CEP112: variants seen among roughly 807,000 people sequenced by gnomAD.
CEP112 encodes centrosomal protein 112, also known as centrosomal protein of 112 kDa.
A neutral mutation model predicts 153.0 loss-of-function variants in CEP112; 127 were observed. The ratio of observed to expected loss-of-function variants is 0.83; its 90% CI spans 0.72 to 0.96. The LOEUF (loss-of-function observed/expected upper bound fraction) is 0.96, where lower values mean the gene tolerates loss of function less well. Ranked by LOEUF, CEP112 falls within the 40% of genes least tolerant of loss-of-function variation. The pLI, the probability that CEP112 is intolerant of heterozygous loss-of-function variation, is 0.00. For synonymous variants in CEP112, 358 were observed against 374.4 expected (o/e 0.96, Z 0.51); for missense variants, 1,089 against 1,101.2 (o/e 0.99, Z 0.16).
At chr17:65,815,655 A>C (rs1021046918) in intron 21 of CEP112, among the ~76,000 whole-genome samples, 6 of 152,040 alleles carry the variant, frequency 3.9e-5, no homozygotes, top group African/African-American at 1.4e-4. Flanking sequence ...CCTTCCATTT[A>C]ATTACATCTT....
At chr17:66,150,367 T>A (rs1235860909) in intron 4 of CEP112, among the ~76,000 whole-genome samples, 1 of 151,770 alleles carries the variant, frequency 6.6e-6, no homozygotes, top group Non-Finnish European at 1.5e-5. Flanking sequence ...CCAGCTAATT[T>A]TTTTTTGTTA....
chr17:65,638,489 G>A, intron 25 of CEP112, among the ~76,000 whole-genome samples: 1 of 152,206 alleles, frequency 6.6e-6, no homozygotes, highest in East Asian at 1.9e-4. Context: ...TGAAAGAGAA[G>A]AAAACACAGT....
chr17:65,654,683 C>A (rs184032786), intron 24 of CEP112, among the ~76,000 whole-genome samples: 2 of 152,296 alleles, frequency 1.3e-5, no homozygotes, highest in Admixed American at 6.5e-5. Flanking sequence ...TGCTCTAAAT[C>A]CAGCTTCAGG....
intron 18 of CEP112, 132 bp from the exon 19 acceptor site, chr17:65,927,821 T>TAAC (rs2060983491): frequency 2.2e-6 from 1 of 450,378 alleles, no homozygotes; most frequent in Admixed American, 4.1e-5. Flanking sequence ...TTAAATGTAT[T>TAAC]AAAATAATGA....
At position 65,859,355 on chromosome 17, in the gene CEP112, G is replaced by A. The variant is rs550954135; in HGVS notation, c.2164-7321C>T. On this transcript the variant is annotated intron_variant, in intron 20 of 26. Transcript: ENST00000535342. ...CTTGGGAGGCTGAGGCAAGAGAATC[G>A]TTTGAACCCAGGAGGCGGAGGTTGT... Among the ~76,000 whole-genome samples the A allele has an allele frequency of 2.5e-4, 38 of 150,174 alleles. 1 individual carries two copies. In the South Asian group the frequency reaches 4.9e-3, roughly 19 times the overall value.
chr17:66,019,586 G>A (rs1247293282), intron 16 of CEP112, among the ~76,000 whole-genome samples: 1 of 152,178 alleles, frequency 6.6e-6, no homozygotes, highest in East Asian at 1.9e-4. Flanking sequence ...AATAATGTTA[G>A]GAACATATGC....
At chr17:66,111,892 T>A (rs2069066164) in intron 6 of CEP112, among the ~76,000 whole-genome samples, 1 of 152,106 alleles carries the variant, frequency 6.6e-6, no homozygotes, top group Non-Finnish European at 1.5e-5. Flanking sequence ...TTTTAAGAAC[T>A]TCTCCAAAAA....
chr17:66,054,529 T>C (rs10853075), intron 11 of CEP112, among the ~76,000 whole-genome samples: 62,163 of 151,704 alleles, frequency 0.41, 14,136 homozygotes, highest in East Asian at 0.87. Flanking sequence ...CTACACAAAC[T>C]AAGGTAAGGA....
chr17:65,831,285 C>T (rs1287907413), intron 21 of CEP112, among the ~76,000 whole-genome samples: 1 of 152,174 alleles, frequency 6.6e-6, no homozygotes, highest in Non-Finnish European at 1.5e-5. Context: ...AGGCCAGGCG[C>T]AGTGGCTCAT....
chr17:66,183,211 T>C lies in CEP112; in HGVS notation c.89A>G (p.Lys30Arg). 1 of 1,604,644 alleles carries C rather than the reference T, an allele frequency of 6.2e-7. No homozygotes were observed. Among genetic ancestry groups the C allele is most frequent in the East Asian group, 2.2e-5 (1 of 44,642 alleles). ...AATCTTACCTGTCCTATGAGGTAAT[T>C]TTAGAACAAAGGGCTTCATATCAAC... Reference protein sequence around the residue: ...FVVDMKPFVLKLPHRTERQRC... With the variant: ...FVVDMKPFVLRLPHRTERQRC... Residue 30 changes from lysine to arginine, a missense_variant, in exon 2 of 27, where the codon AAA becomes AGA. Coordinates refer to ENST00000535342, the MANE Select transcript of CEP112 (RefSeq NM_001199165.4).
chr17:65,949,202 T>C (rs193221823), intron 18 of CEP112, among the ~76,000 whole-genome samples: 10 of 152,368 alleles, frequency 6.6e-5, no homozygotes, highest in South Asian at 4.1e-4. Context: ...AAATTTGCCA[T>C]GTAAGAATTA....
At chr17:65,865,170 T>C (rs2058443278) in intron 20 of CEP112, among the ~76,000 whole-genome samples, 1 of 152,018 alleles carries the variant, frequency 6.6e-6, no homozygotes, top group South Asian at 2.1e-4. Flanking sequence ...GCCTTCCCAG[T>C]AGCTGAGATC....
chr17:65,755,387 C>T (rs2052192329), intron 21 of CEP112, among the ~76,000 whole-genome samples: 2 of 152,122 alleles, frequency 1.3e-5, no homozygotes, highest in African/African-American at 4.8e-5. Flanking sequence ...GGAAATCTGC[C>T]CCTATGATCC....
intron 21 of CEP112, among the ~76,000 whole-genome samples, chr17:65,774,457 A>G (rs1295531676): frequency 6.6e-6 from 1 of 152,142 alleles, no homozygotes; most frequent in African/African-American, 2.4e-5. Context: ...AGCAGGGATG[A>G]GCTTGGCAGC....
chr17:65,803,218 G>A (rs1253003292), intron 21 of CEP112, among the ~76,000 whole-genome samples: 1 of 152,196 alleles, frequency 6.6e-6, no homozygotes. Flanking sequence ...TCCAGTTACT[G>A]TCTGACTGAA....
At chr17:65,788,969 G>A (rs1178260073) in intron 21 of CEP112, among the ~76,000 whole-genome samples, 1 of 152,018 alleles carries the variant, frequency 6.6e-6, no homozygotes, top group Non-Finnish European at 1.5e-5. Context: ...CATTCCATCT[G>A]CCCTTTCCTT....
chr17:65,713,277 C>T lies in CEP112; in HGVS notation c.2608-24059G>A, dbSNP rs137909414. On this transcript the variant is annotated intron_variant, in intron 23 of 26. Transcript: ENST00000535342. ...CCTGTGGAAATCATTAAAATTATTA[C>T]GTAGCCTTCTGAAATTGCTGTTTTT... Among the ~76,000 whole-genome samples, 20 of 152,262 alleles carry T rather than the reference C, an allele frequency of 1.3e-4. No homozygotes were observed. The East Asian group carries it at 2.7e-3, about 21-fold the overall frequency.
rs2049271082 is a variant in CEP112, at chr17:65,712,797, G to A, written c.2608-23579C>T. On this transcript the variant is annotated intron_variant, in intron 23 of 26. Coordinates refer to ENST00000535342, the MANE Select transcript of CEP112 (RefSeq NM_001199165.4). ...ATGAGGAGATGTGAACAAAGACTTTGCCCTCTGTGTAGGTGGGTGCTGTGG... is the reference window on the plus strand; with the variant it reads ...ATGAGGAGATGTGAACAAAGACTTTACCCTCTGTGTAGGTGGGTGCTGTGG... Among the ~76,000 whole-genome samples the A allele has an allele frequency of 3.9e-5, 6 of 152,252 alleles. No individual in the cohort carries two copies. In the South Asian group the frequency reaches 6.2e-4, roughly 16 times the overall value.
Position 65,851,839 on chromosome 17 carries a change from T to A in CEP112, c.2359A>T (p.Thr787Ser). 1.2e-6 allele frequency: 2 copies of A among 1,614,014 alleles called. No individual in the cohort carries two copies. Among genetic ancestry groups the A allele is most frequent in the Non-Finnish European group, 1.7e-6 (2 of 1,179,952 alleles). Residue 787 changes from threonine to serine, a missense_variant, in exon 21 of 27, where the codon ACT becomes TCT. Thr to Ser is a moderately conservative substitution (Grantham distance 58). Coordinates refer to ENST00000535342, the MANE Select transcript of CEP112 (RefSeq NM_001199165.4). ...SEKMKIELKK[T>S]HAAETEMTLE... Reference sequence around the variant, plus strand: ...GTCATCTCTGTCTCAGCAGCATGAGTCTTTTTCAGCTCTATTTTCATCTTT... The same window carrying A: ...GTCATCTCTGTCTCAGCAGCATGAGACTTTTTCAGCTCTATTTTCATCTTT...
Sources: allele counts gnomAD v4.1 joint callset (sites outside exome capture counted in the v4.1 genomes callset), GRCh38; gene constraint gnomAD v4.1.1; transcripts MANE v1.5; gene names NCBI Gene and HGNC (gene_info 2026-07-23, HGNC 2026-07-21).